The following C8orf34 variants were observed in gnomAD, a reference collection of about 807,000 sequenced individuals.
The protein encoded by C8orf34 is chromosome 8 open reading frame 34, also known as uncharacterized protein C8orf34.
A neutral mutation model predicts 68.3 loss-of-function variants in C8orf34; 65 were observed. The ratio of observed to expected loss-of-function variants is 0.95; its 90% CI spans 0.78 to 1.17. C8orf34 has a LOEUF of 1.17. Among genes scored for constraint, C8orf34 ranks in the 50% most tolerant of loss-of-function variants. The pLI, the probability that C8orf34 is intolerant of heterozygous loss-of-function variation, is 0.00. For missense variants in C8orf34, 664 were observed against 655.4 expected, an observed-to-expected ratio of 1.01 and a Z score of -0.14; for synonymous variants, 244 against 241.2, an observed-to-expected ratio of 1.01 and a Z score of -0.11.
chr8:68,588,453 A>G (rs945360554), intron 7 of C8orf34, among the ~76,000 whole-genome samples: 2 of 152,156 alleles, frequency 1.3e-5, no homozygotes, highest in Non-Finnish European at 2.9e-5. Flanking sequence ...TTAATCAATA[A>G]TATGTATTGC....
intron 7 of C8orf34, among the ~76,000 whole-genome samples, chr8:68,578,250 A>G (rs2130327058): frequency 6.6e-6 from 1 of 152,122 alleles, no homozygotes; most frequent in African/African-American, 2.4e-5. Flanking sequence ...GGATTAAATA[A>G]TATTTATGAT....
intron 7 of C8orf34, among the ~76,000 whole-genome samples, chr8:68,625,914 C>T (rs2130666447): frequency 6.6e-6 from 1 of 152,238 alleles, no homozygotes; most frequent in East Asian, 1.9e-4. Context: ...GGATTTAGAA[C>T]CTTGACAAAT....
chr8:68,557,318 T>C (rs1816284838), intron 7 of C8orf34, among the ~76,000 whole-genome samples: 1 of 152,192 alleles, frequency 6.6e-6, no homozygotes, highest in Non-Finnish European at 1.5e-5. Context: ...TTCTTGTAAA[T>C]TAAATTTTCT....
Position 68,439,626 on chromosome 8 carries a change from G to A in C8orf34, c.455G>A (p.Trp152Ter). The change falls in exon 2 of 14, where the codon TGG becomes TAG. Residue 152 changes from tryptophan to a stop codon, truncating the protein, a stop_gained. Transcript: ENST00000518698. LOFTEE classifies it high-confidence loss of function. ...QRTLSGSAAL[W>*]AESEKSESKG... ...ACTTTGTCTGGATCTGCAGCTCTATGGGCAGAAAGTGAAAAATCAGGTAAA... is the reference window on the plus strand; with the variant it reads ...ACTTTGTCTGGATCTGCAGCTCTATAGGCAGAAAGTGAAAAATCAGGTAAA... 6.2e-7 allele frequency: 1 copy of A among 1,611,094 alleles called. No homozygotes were observed. The highest frequency in any genetic ancestry group is 8.5e-7 in the Non-Finnish European group (1 of 1,179,142).
intron 8 of C8orf34, among the ~76,000 whole-genome samples, chr8:68,694,392 T>C (rs1440077741): frequency 6.6e-6 from 1 of 152,104 alleles, no homozygotes; most frequent in Non-Finnish European, 1.5e-5. Flanking sequence ...AAAATAATCA[T>C]AGAAATTGCC....
intron 5 of C8orf34, among the ~76,000 whole-genome samples, chr8:68,518,416 G>A (rs1290905796): frequency 1.3e-5 from 2 of 151,966 alleles, no homozygotes; most frequent in Non-Finnish European, 2.9e-5. Context: ...AAACAGAATA[G>A]CAATGAAAAA....
chr8:68,538,436 A>AT (rs1815570341), intron 7 of C8orf34, among the ~76,000 whole-genome samples: 1 of 151,654 alleles, frequency 6.6e-6, no homozygotes, highest in South Asian at 2.1e-4. Flanking sequence ...TGTTGAGAGG[A>AT]TAAAAAAAAA....
intron 13 of C8orf34, among the ~76,000 whole-genome samples, chr8:68,817,306 T>C (rs1234292528): frequency 6.6e-6 from 1 of 152,144 alleles, no homozygotes; most frequent in Admixed American, 6.6e-5. Context: ...GAAAGTAATG[T>C]CTAAGGGTAA....
At chr8:68,653,136 G>A (rs1287905538) in intron 8 of C8orf34, among the ~76,000 whole-genome samples, 1 of 152,172 alleles carries the variant, frequency 6.6e-6, no homozygotes, top group East Asian at 1.9e-4. Context: ...AAGATTCTTA[G>A]TGCAGTTTAA....
intron 10 of C8orf34, among the ~76,000 whole-genome samples, chr8:68,737,609 A>AG (rs1172805530): frequency 6.6e-6 from 1 of 152,048 alleles, no homozygotes; most frequent in Non-Finnish European, 1.5e-5. Context: ...AGAAAAAAGC[A>AG]GGGGTAGCAA....
At position 68,561,572 on chromosome 8, in the gene C8orf34, C is replaced by G. The variant is rs143590603; in HGVS notation, c.1105+28423C>G. Among the ~76,000 whole-genome samples, 13 of 152,232 alleles carry G rather than the reference C, an allele frequency of 8.5e-5. No homozygotes were observed. The East Asian group carries it at 2.5e-3, about 29-fold the overall frequency. On this transcript the variant is annotated intron_variant, in intron 7 of 13. Transcript: ENST00000518698. Reference sequence around the variant, plus strand: ...AGTAGTTCAAGATCAGCCTGGCCAACATGGTGGAATCCTGTCTCTACTAAA... The same window carrying G: ...AGTAGTTCAAGATCAGCCTGGCCAAGATGGTGGAATCCTGTCTCTACTAAA...
chr8:68,546,484 A>G (rs1467359662), intron 7 of C8orf34, among the ~76,000 whole-genome samples: 2 of 151,952 alleles, frequency 1.3e-5, no homozygotes, highest in Non-Finnish European at 2.9e-5. Context: ...TTCAAAATAC[A>G]TAAAGTAAAA....
chr8:68,678,951 A>G (rs1211317332), intron 8 of C8orf34, among the ~76,000 whole-genome samples: 2 of 152,006 alleles, frequency 1.3e-5, no homozygotes, highest in South Asian at 2.1e-4. Context: ...TTGCATTTCT[A>G]TGGGCCTGTG....
At chr8:68,543,455 G>T (rs76968999) in intron 7 of C8orf34, among the ~76,000 whole-genome samples, 1 of 152,030 alleles carries the variant, frequency 6.6e-6, no homozygotes, top group African/African-American at 2.4e-5. Context: ...CATATAGTGC[G>T]TGTAGAATAA....
chr8:68,596,420 G>T (rs1328430185), intron 7 of C8orf34, among the ~76,000 whole-genome samples: 2 of 152,004 alleles, frequency 1.3e-5, no homozygotes, highest in African/African-American at 4.8e-5. Flanking sequence ...TGCATATATG[G>T]GTGTCAAGAA....
chr8:68,499,533 A>G (rs536824515), intron 5 of C8orf34, among the ~76,000 whole-genome samples: 180 of 152,326 alleles, frequency 1.2e-3, no homozygotes, highest in Non-Finnish European at 1.4e-3. Flanking sequence ...CACTACCAAC[A>G]AGTAAATTTA....
At chr8:68,683,746 TA>T (rs541246287) in intron 8 of C8orf34, among the ~76,000 whole-genome samples, 157 of 152,198 alleles carry the variant, frequency 1.0e-3, no homozygotes, top group African/African-American at 3.6e-3. Flanking sequence ...TAGATAACAA[TA>T]AAAAAAGTCA....
At chr8:68,410,564 T>A (rs1809401290) in intron 1 of C8orf34, among the ~76,000 whole-genome samples, 1 of 152,096 alleles carries the variant, frequency 6.6e-6, no homozygotes, top group African/African-American at 2.4e-5. Flanking sequence ...GAACCAATGC[T>A]GTGTGGATAC....
At chr8:68,333,566 C>T (rs1585930381) in intron 1 of C8orf34, among the ~76,000 whole-genome samples, 2 of 152,164 alleles carry the variant, frequency 1.3e-5, no homozygotes, top group South Asian at 2.1e-4. Flanking sequence ...ATTTTACTAG[C>T]GTGTAGCCTA....
Sources: allele counts gnomAD v4.1 joint callset (sites outside exome capture counted in the v4.1 genomes callset), GRCh38; gene constraint gnomAD v4.1.1; transcripts MANE v1.5; gene names NCBI Gene and HGNC (gene_info 2026-07-23, HGNC 2026-07-21).